SH3BP2: variants seen among roughly 807,000 people sequenced by gnomAD.
SH3BP2 encodes the protein SH3 domain binding protein 2.
SH3BP2 carries 38 observed loss-of-function variants against 56.2 expected under a neutral mutation model. The ratio of observed to expected loss-of-function variants is 0.68; its 90% CI spans 0.52 to 0.89. The LOEUF (loss-of-function observed/expected upper bound fraction) is 0.89, where lower values mean the gene tolerates loss of function less well. Among genes scored for constraint, SH3BP2 ranks in the 40% least tolerant of loss-of-function variants. The pLI, the probability that SH3BP2 is intolerant of heterozygous loss-of-function variation, is 0.00. For synonymous variants in SH3BP2, 346 were observed against 316.7 expected, an observed-to-expected ratio of 1.09 and a Z score of -0.98; for missense variants, 748 against 762.6, an observed-to-expected ratio of 0.98 and a Z score of 0.23.
intron 1 of SH3BP2, among the ~76,000 whole-genome samples, chr4:2,820,162 C>T (rs1428957344): frequency 6.6e-6 from 1 of 152,204 alleles, no homozygotes; most frequent in Non-Finnish European, 1.5e-5. Flanking sequence ...GCTGGGTGCT[C>T]TTGGCTGCTC....
chr4:2,824,778 C>T, intron 4 of SH3BP2, 48 bp downstream of exon 4: 1 of 1,401,430 alleles, frequency 7.1e-7, no homozygotes, highest in Admixed American at 1.7e-5. Flanking sequence ...GGGTGTGGGC[C>T]TGCAGGCACC....
chr4:2,825,008 G>T, intron 4 of SH3BP2, 118 bp from the exon 5 acceptor site: 1 of 930,478 alleles, frequency 1.1e-6, no homozygotes, highest in Non-Finnish European at 1.7e-6. Context: ...GTATCCAGCC[G>T]GGTCGCCTCC....
intron 1 of SH3BP2, among the ~76,000 whole-genome samples, chr4:2,803,365 G>A (rs949072126): frequency 2.0e-5 from 3 of 152,188 alleles, no homozygotes; most frequent in Non-Finnish European, 4.4e-5. Context: ...CCCTGGTGCT[G>A]GGATCCGGGA....
intron 1 of SH3BP2, among the ~76,000 whole-genome samples, chr4:2,819,646 G>GT (rs1724193194): frequency 6.6e-6 from 1 of 152,162 alleles, no homozygotes; most frequent in African/African-American, 2.4e-5. Flanking sequence ...ACAGTGCAGG[G>GT]TCGGGGGGTA....
chr4:2,824,246 G>T (rs1724466945), intron 3 of SH3BP2, among the ~76,000 whole-genome samples: 1 of 152,302 alleles, frequency 6.6e-6, no homozygotes, highest in Non-Finnish European at 1.5e-5. Flanking sequence ...GGCCTCAGGG[G>T]CACGGAGCCC....
At position 2,803,087 on chromosome 4, in the gene SH3BP2, C is replaced by T. The variant is rs544068364; in HGVS notation, c.-5+9949C>T. Among the ~76,000 whole-genome samples the T allele has an allele frequency of 3.3e-4, 51 of 152,344 alleles. 1 individual carries two copies. In the South Asian group the frequency reaches 9.3e-3, roughly 28 times the overall value. On this transcript the variant is annotated intron_variant, in intron 1 of 12. Transcript: ENST00000503393. ...CCAAGGGAGGCCGCCAAGACCGCCA[C>T]GGTACGAAAAGTACCACGGTGATGA...
intron 1 of SH3BP2, among the ~76,000 whole-genome samples, chr4:2,803,506 G>A (rs763288682): frequency 6.6e-6 from 1 of 152,146 alleles, no homozygotes; most frequent in Non-Finnish European, 1.5e-5. Context: ...GGGGGAGGAC[G>A]GAGCAAGGCT....
chr4:2,799,296 G>A (rs1723164555), intron 1 of SH3BP2: 2 of 985,426 alleles, frequency 2.0e-6, no homozygotes, highest in Admixed American at 1.2e-4. Context: ...GGCTGCAGCT[G>A]CCTAATGAGG....
intron 1 of SH3BP2, among the ~76,000 whole-genome samples, chr4:2,800,259 G>T (rs1723214005): frequency 6.6e-6 from 1 of 152,130 alleles, no homozygotes; most frequent in Non-Finnish European, 1.5e-5. Flanking sequence ...CTCCTCCTTG[G>T]CTGGCTTTTC....
rs1725276475 is a variant in SH3BP2 at position 2,837,531 on chromosome 4, T to C, written c.*3697T>C. Reference sequence around the variant, plus strand: ...AGTTCCCTGAGGCAGGCAGGGCTTATTGGGGCCATTTCATAGAAAGGCAGA... The same window carrying C: ...AGTTCCCTGAGGCAGGCAGGGCTTACTGGGGCCATTTCATAGAAAGGCAGA... On this transcript the variant is annotated 3_prime_UTR_variant, in exon 13 of 13. Transcript: ENST00000503393. 1 of 152,222 alleles carries C rather than the reference T, an allele frequency of 6.6e-6. No homozygotes were observed. The highest frequency in any genetic ancestry group is 2.1e-4 in the South Asian group (1 of 4,822). The allele number at this position is 152,222 out of a possible 1,614,324, so 9.4% of individuals were successfully genotyped here. A position where few individuals can be genotyped will look rare whatever the true frequency, so the allele number is the denominator to read the frequency against.
intron 1 of SH3BP2, among the ~76,000 whole-genome samples, chr4:2,799,523 T>A (rs1178730833): frequency 2.6e-5 from 4 of 152,122 alleles, no homozygotes; most frequent in Non-Finnish European, 5.9e-5. Context: ...AGGAAGTTGC[T>A]GGGGAAGGAA....
chr4:2,803,992 T>C (rs970991058), intron 1 of SH3BP2, among the ~76,000 whole-genome samples: 4 of 152,110 alleles, frequency 2.6e-5, no homozygotes, highest in Non-Finnish European at 1.5e-5. Context: ...CTGTGCCCGA[T>C]ACCATGAGAC....
chr4:2,809,310 C>G (rs1014003997), intron 1 of SH3BP2, among the ~76,000 whole-genome samples: 1 of 151,526 alleles, frequency 6.6e-6, no homozygotes, highest in African/African-American at 2.4e-5. Flanking sequence ...GGTTAGTGCC[C>G]TCCCTCCCTC....
intron 1 of SH3BP2, among the ~76,000 whole-genome samples, chr4:2,817,232 C>A (rs1049139620): frequency 6.6e-6 from 1 of 152,180 alleles, no homozygotes. Flanking sequence ...GAATGGTGTG[C>A]GTGTTGATTC....
In SH3BP2 at chr4:2,829,851, C is replaced by T. The variant is rs1335459780; in HGVS notation, c.945C>T (p.Cys315=). Residue 315 remains cysteine (C), a synonymous_variant, in exon 8 of 13, where the codon TGC becomes TGT. Transcript: ENST00000503393. This position sits in a 1 kb window ranked among gnomAD's most constrained non-coding sequence, Gnocchi z 4.9. ...CCTGGACCCCTGGCCACGGGGCCTG[C>T]TCCACTTCCAGTGCTGCCATCATGG... is the stretch of plus-strand genomic sequence containing the variant. ...PEPWTPGHGA[C]STSSAAIMAT... is the part of the protein sequence containing the mutation. The T allele has an allele frequency of 1.9e-6, 3 of 1,613,734 alleles. No homozygotes were observed. Among genetic ancestry groups the T allele is most frequent in the Non-Finnish European group, 1.7e-6 (2 of 1,180,020 alleles).
intron 8 of SH3BP2, among the ~76,000 whole-genome samples, chr4:2,830,887 C>T (rs1279151230): frequency 6.6e-6 from 1 of 152,232 alleles, no homozygotes; most frequent in Admixed American, 6.5e-5. Context: ...GCCCTTCTCC[C>T]AGGGCTCTGC....
chr4:2,818,661 T>TCGGGCCGGGCGCGGTTGGGCGGG, intron 1 of SH3BP2: 1 of 972,954 alleles, frequency 1.0e-6, no homozygotes, highest in Non-Finnish European at 1.2e-6. Flanking sequence ...CGGGGCTCCT[T>TCGGGCCGGGCGCGGTTGGGCGGG]CGGGCCGGGC....
At position 2,838,621 on chromosome 4, in the gene SH3BP2, T is replaced by C. The variant is rs1725312948; in HGVS notation, c.*4787T>C. Reference sequence around the variant, plus strand: ...AAATTTGTAAACTTTCTTAAAACATTATAAAGATTTTTGTTTGCGATTTTT... The same window carrying C: ...AAATTTGTAAACTTTCTTAAAACATCATAAAGATTTTTGTTTGCGATTTTT... On this transcript the variant is annotated 3_prime_UTR_variant, in exon 13 of 13. Coordinates refer to ENST00000503393, the MANE Select transcript of SH3BP2 (RefSeq NM_001122681.2). 1 of 146,136 alleles carries C rather than the reference T, an allele frequency of 6.8e-6. No homozygotes were observed. Among genetic ancestry groups the C allele is most frequent in the African/African-American group, 2.5e-5 (1 of 40,050 alleles). 9.1% of individuals were successfully genotyped at this position (146,136 alleles called of 1,614,324 possible).
intron 4 of SH3BP2, 152 bp downstream of exon 4, chr4:2,824,882 G>A (rs1433155952): frequency 7.1e-6 from 5 of 700,024 alleles, no homozygotes; most frequent in Non-Finnish European, 1.3e-5. Flanking sequence ...AGGCAGCTGG[G>A]TGGGTGCTGC....
Sources: gnomAD v4.1 joint callset for allele counts (sites outside exome capture counted in the v4.1 genomes callset) on GRCh38, gnomAD v4.1.1 for gene constraint, Gnocchi (gnomAD v3.1) non-coding constraint, MANE v1.5 for transcripts, NCBI Gene and HGNC (gene_info 2026-07-23, HGNC 2026-07-21) for gene names.